USP34: variants seen among roughly 807,000 people sequenced by gnomAD.
USP34 encodes ubiquitin specific peptidase 34.
Under a neutral mutation model 460.3 loss-of-function variants are expected in USP34, and 70 were observed. The ratio of observed to expected loss-of-function variants is 0.15; its 90% CI spans 0.13 to 0.19. The LOEUF (loss-of-function observed/expected upper bound fraction) is 0.19. Ranked by LOEUF, USP34 falls within the 10% of genes least tolerant of loss-of-function variation. The pLI is 1.00. For missense variants in USP34, 3,985 were observed against 4,236.2 expected (o/e 0.94, Z 1.65); for synonymous variants, 1,647 against 1,405.3 (o/e 1.17, Z -3.85).
intron 3 of USP34, among the ~76,000 whole-genome samples, chr2:61,403,183 C>A (rs1181903618): frequency 6.6e-6 from 1 of 152,052 alleles, no homozygotes. Context: ...CAAGTAGTAA[C>A]ATAAAATACT....
chr2:61,297,028 T>C, intron 29 of USP34, 103 bp from the exon 30 acceptor site: 2 of 1,427,458 alleles, frequency 1.4e-6, no homozygotes, highest in Non-Finnish European at 9.4e-7. Context: ...CTAATAGTTT[T>C]TAGCCTCACT....
At chr2:61,229,492 A>AAAAAACAAC in intron 59 of USP34, 56 bp downstream of exon 59, 1 of 1,092,264 alleles carries the variant, frequency 9.2e-7, no homozygotes, top group Non-Finnish European at 1.3e-6. Context: ...AAAAAAACAA[A>AAAAAACAAC]AACACCACAC....
In USP34 at chr2:61,333,889, T is replaced by C. The variant is rs1428187521; in HGVS notation, c.2827A>G (p.Ile943Val). Residue 943 changes from isoleucine to valine, a missense_variant, in exon 19 of 80, where the codon ATA becomes GTA. This residue lies in a region of USP34 where 1,114 missense variants were observed against 1,122.5 expected (regional missense o/e 0.99). Coordinates refer to ENST00000398571, the MANE Select transcript of USP34 (RefSeq NM_014709.4). ...QFGSSYDTHW[I>V]TMWAEKELNM... ...TTTCTTTTATTTACTTACATTGTTA[T>C]CCAGTGTGTATCGTAACTGCTCCCA... The C allele has an allele frequency of 6.4e-7, 1 of 1,552,442 alleles. No individual in the cohort carries two copies. Among genetic ancestry groups the C allele is most frequent in the Non-Finnish European group, 8.7e-7 (1 of 1,149,632 alleles).
chr2:61,435,096 G>T (rs1694775892), intron 1 of USP34, among the ~76,000 whole-genome samples: 2 of 151,868 alleles, frequency 1.3e-5, no homozygotes, highest in South Asian at 2.1e-4. Flanking sequence ...TTAAGGCCAG[G>T]AATTCAAAAC....
chr2:61,369,983 T>TAAAAAAAAAAAAAAAAAAAAGAAAAAA (rs35212285), intron 10 of USP34, among the ~76,000 whole-genome samples: 1 of 127,764 alleles, frequency 7.8e-6, no homozygotes, highest in Non-Finnish European at 1.7e-5. Flanking sequence ...TATGCCTATT[T>TAAAAAAAAAAAAAAAAAAAAGAAAAAA]AAAAAAAAAA....
intron 62 of USP34, 197 bp from the exon 63 acceptor site, chr2:61,223,493 A>T: frequency 1.8e-6 from 1 of 570,768 alleles, no homozygotes; most frequent in South Asian, 2.3e-5. Context: ...GGTAAATGAA[A>T]GCCCAAATGT....
intron 3 of USP34, among the ~76,000 whole-genome samples, 185 bp from the exon 4 acceptor site, chr2:61,395,418 C>T (rs182094612): frequency 6.6e-6 from 1 of 152,276 alleles, no homozygotes; most frequent in Admixed American, 6.5e-5. Flanking sequence ...TTTTAGTCCT[C>T]CTTTAAGTAG....
At chr2:61,255,171 G>C (rs1419468879) in intron 48 of USP34, among the ~76,000 whole-genome samples, 1 of 152,084 alleles carries the variant, frequency 6.6e-6, no homozygotes, top group East Asian at 1.9e-4. Flanking sequence ...TATTTTCCAA[G>C]AAATTCTACT....
At position 61,203,342 on chromosome 2, in the gene USP34, A is replaced by T; in HGVS notation, c.9385-79T>A. On this transcript the variant is annotated intron_variant, in intron 74 of 79. Transcript: ENST00000398571. ...TATTTTGTGCAAATGTAATAAGTTT[A>T]ACTAAAAAGCTGATTCAATATTTAT... 2.3e-6 allele frequency: 3 copies of T among 1,293,556 alleles called. No individual in the cohort carries two copies. In the Admixed American group the frequency reaches 9.2e-5, roughly 40 times the overall value. The allele number at this position is 1,293,556 out of a possible 1,614,324, so 80.1% of individuals were successfully genotyped here.
intron 15 of USP34, among the ~76,000 whole-genome samples, chr2:61,347,065 G>C (rs1691793091): frequency 6.6e-6 from 1 of 151,954 alleles, no homozygotes; most frequent in African/African-American, 2.4e-5. Flanking sequence ...GTTTGAGCCT[G>C]GGAAGTGGAG....
At chr2:61,305,798 G>C (rs189835447) in intron 27 of USP34, among the ~76,000 whole-genome samples, 10 of 151,952 alleles carry the variant, frequency 6.6e-5, no homozygotes, top group Middle Eastern at 3.4e-3. Context: ...CCCGTCGTTG[G>C]CTGTAAAGGA....
At chr2:61,343,737 T>C in intron 16 of USP34, 78 bp downstream of exon 16, 1 of 1,445,788 alleles carries the variant, frequency 6.9e-7, no homozygotes. Context: ...CCTTAACTAT[T>C]GAGTCCTTTC....
intron 48 of USP34, among the ~76,000 whole-genome samples, chr2:61,249,564 T>G (rs1485415464): frequency 6.6e-6 from 1 of 152,138 alleles, no homozygotes; most frequent in Non-Finnish European, 1.5e-5. Context: ...GTATTCTAAA[T>G]CACATTCTTA....
At chr2:61,387,728 C>CATGTAAAAATATATTTTTACGTATACAT (rs1558564667) in intron 5 of USP34, among the ~76,000 whole-genome samples, 2 of 141,992 alleles carry the variant, frequency 1.4e-5, no homozygotes, top group African/African-American at 5.2e-5. Flanking sequence ...TACGTATACA[C>CATGTAAAAATATATTTTTACGTATACAT]ACATGTAAAA....
chr2:61,429,841 C>T (rs1474726627), intron 1 of USP34, among the ~76,000 whole-genome samples: 1 of 152,130 alleles, frequency 6.6e-6, no homozygotes, highest in Admixed American at 6.5e-5. Flanking sequence ...GCGGGCAGAT[C>T]ACCTGAGGTC....
intron 1 of USP34, among the ~76,000 whole-genome samples, chr2:61,460,928 G>A (rs926531291): frequency 5.4e-5 from 8 of 147,766 alleles, no homozygotes; most frequent in Non-Finnish European, 1.2e-4. Context: ...GGTCCAGGAA[G>A]CCAAGATCGC....
chr2:61,190,099 G>A (rs1686587002), intron 78 of USP34, 172 bp downstream of exon 78: 1 of 729,504 alleles, frequency 1.4e-6, no homozygotes, highest in African/African-American at 1.8e-5. Flanking sequence ...AGAGTGTGCT[G>A]TGTACATACA....
intron 43 of USP34, among the ~76,000 whole-genome samples, chr2:61,264,821 G>A (rs144957504): frequency 3.3e-5 from 5 of 150,196 alleles, no homozygotes; most frequent in African/African-American, 9.8e-5. Flanking sequence ...GCCAGGAGTT[G>A]GAGACCAGCC....
chr2:61,249,545 A>G (rs1321390640), intron 48 of USP34, among the ~76,000 whole-genome samples: 1 of 152,124 alleles, frequency 6.6e-6, no homozygotes, highest in African/African-American at 2.4e-5. Flanking sequence ...GAGAAGGGAG[A>G]CTATAGAAGT....
Sources: gnomAD v4.1 joint callset for allele counts (sites outside exome capture counted in the v4.1 genomes callset) on GRCh38, gnomAD v4.1.1 for gene constraint, gnomAD v4.1.1 regional missense constraint, MANE v1.5 for transcripts, NCBI Gene and HGNC (gene_info 2026-07-23, HGNC 2026-07-21) for gene names.